The following JAK1 variants were observed in gnomAD, a reference collection of about 807,000 sequenced individuals.
The protein encoded by JAK1 is Janus kinase 1.
In JAK1, 16 loss-of-function variants were observed where a neutral mutation model predicts 136.6. The ratio of observed to expected loss-of-function variants is 0.12; its 90% confidence interval spans 0.08 to 0.18. The LOEUF (loss-of-function observed/expected upper bound fraction) is 0.18, where lower values mean the gene tolerates loss of function less well. JAK1 is among the 10% of genes least tolerant of loss of function. JAK1 has a pLI of 1.00. For missense variants in JAK1, 859 were observed against 1,450.1 expected (o/e 0.59, Z 6.62); for synonymous variants, 492 against 519.5 (o/e 0.95, Z 0.72).
intron 2 of JAK1, among the ~76,000 whole-genome samples, chr1:65,023,892 C>T (rs1470430773): frequency 2.0e-5 from 3 of 150,046 alleles, no homozygotes; most frequent in African/African-American, 7.4e-5. Flanking sequence ...GTCTTTCACT[C>T]ACCATGGTTC....
At chr1:64,989,218 C>T (rs1165617645) in intron 2 of JAK1, among the ~76,000 whole-genome samples, 8 of 149,178 alleles carry the variant, frequency 5.4e-5, no homozygotes, top group Non-Finnish European at 1.0e-4. Flanking sequence ...CCAGCTACTC[C>T]GGAGGCTGAG....
Position 64,911,825 on chromosome 1 carries a change from T to C in JAK1, c.-77-25484A>G, listed in dbSNP as rs546485467. On this transcript the variant is annotated intron_variant, in intron 1 of 24. Transcript: ENST00000342505. ...TTATTTTACATTTCTAACAGGACTT[T>C]GTTCCTGATTTCACAATTTTCTGTT... Among the ~76,000 whole-genome samples, 3 of 152,388 alleles carry C rather than the reference T, an allele frequency of 2.0e-5. No individual in the cohort carries two copies. In the East Asian group the frequency reaches 5.8e-4, roughly 29 times the overall value.
intron 1 of JAK1, among the ~76,000 whole-genome samples, chr1:64,940,140 G>A (rs796556476): frequency 1.4e-4 from 21 of 152,104 alleles, no homozygotes; most frequent in African/African-American, 4.8e-4. Flanking sequence ...AGAGAAAACC[G>A]GTAAGTTGAC....
intron 1 of JAK1, among the ~76,000 whole-genome samples, chr1:64,965,576 G>A (rs148431255): frequency 2.0e-5 from 3 of 152,282 alleles, no homozygotes; most frequent in African/African-American, 7.2e-5. Context: ...GACGATGCGC[G>A]GATGGAGTTG....
chr1:65,041,629 C>T (rs1275140595), intron 2 of JAK1, among the ~76,000 whole-genome samples: 1 of 152,152 alleles, frequency 6.6e-6, no homozygotes, highest in South Asian at 2.1e-4. Flanking sequence ...CCATGGGGCG[C>T]TAGTTTCCAG....
intron 8 of JAK1, among the ~76,000 whole-genome samples, chr1:64,861,089 C>G (rs1656305323): frequency 6.6e-6 from 1 of 151,914 alleles, no homozygotes; most frequent in African/African-American, 2.4e-5. Flanking sequence ...GTGGCAGAGG[C>G]ACAAAAGTGG....
intron 1 of JAK1, among the ~76,000 whole-genome samples, chr1:65,066,372 C>CT (rs1182135087): frequency 7.2e-5 from 11 of 152,180 alleles, no homozygotes; most frequent in African/African-American, 2.7e-4. Context: ...GAAACAGACT[C>CT]TCATGCCTAT....
At chr1:64,937,274 C>T (rs548941130) in intron 1 of JAK1, among the ~76,000 whole-genome samples, 95 of 152,290 alleles carry the variant, frequency 6.2e-4, no homozygotes, top group African/African-American at 2.2e-3. Context: ...TAAGCTCCAA[C>T]CCCCAGAGAG....
chr1:64,865,026 G>A (rs532404851), intron 7 of JAK1, 54 bp from the exon 8 acceptor site: 212 of 1,445,254 alleles, frequency 1.5e-4, no homozygotes, highest in Middle Eastern at 9.8e-4. Flanking sequence ...ATTTTCTATT[G>A]GTAAAAGGTC....
intron 2 of JAK1, among the ~76,000 whole-genome samples, chr1:65,040,647 C>T (rs1275247320): frequency 2.0e-5 from 3 of 152,166 alleles, no homozygotes; most frequent in African/African-American, 2.4e-5. Context: ...CATACACACA[C>T]ATGCCCAGGT....
At chr1:64,922,431 G>A (rs1645510781) in intron 1 of JAK1, among the ~76,000 whole-genome samples, 1 of 152,080 alleles carries the variant, frequency 6.6e-6, no homozygotes, top group Admixed American at 6.6e-5. Context: ...AATTTCCAAA[G>A]CCAGTCAAAC....
chr1:64,847,416 G>C (rs1655307032), intron 13 of JAK1, 116 bp downstream of exon 13: 6 of 1,270,904 alleles, frequency 4.7e-6, no homozygotes, highest in Admixed American at 4.2e-5. Flanking sequence ...TGAGTAAAAG[G>C]CAAGTTTGAA....
chr1:64,843,960 A>G, intron 17 of JAK1, 104 bp downstream of exon 17: 1 of 1,315,332 alleles, frequency 7.6e-7, no homozygotes. Context: ...ATTCAAACCC[A>G]TGCCCATCTC....
At chr1:65,061,694 A>G (rs1647798446) in intron 1 of JAK1, among the ~76,000 whole-genome samples, 1 of 152,200 alleles carries the variant, frequency 6.6e-6, no homozygotes, top group East Asian at 1.9e-4. Context: ...AGATGTTATA[A>G]ACTGTCAGCA....
chr1:64,997,871 C>A (rs914632126), intron 2 of JAK1, among the ~76,000 whole-genome samples: 7 of 152,190 alleles, frequency 4.6e-5, no homozygotes, highest in South Asian at 4.1e-4. Flanking sequence ...TTGTTTCCTG[C>A]TGATGGAAGC....
chr1:64,893,176 A>C (rs1644965110), intron 1 of JAK1, among the ~76,000 whole-genome samples: 1 of 151,932 alleles, frequency 6.6e-6, no homozygotes, highest in South Asian at 2.1e-4. Flanking sequence ...GAAGAAGGAA[A>C]ATCACAAGCA....
intron 2 of JAK1, among the ~76,000 whole-genome samples, chr1:65,021,832 C>G (rs1646940193): frequency 6.6e-6 from 1 of 151,940 alleles, no homozygotes; most frequent in Non-Finnish European, 1.5e-5. Flanking sequence ...ACACTAAAAC[C>G]AAGAGAATTT....
intron 3 of JAK1, 81 bp downstream of exon 3, chr1:64,883,196 C>T: frequency 8.3e-7 from 1 of 1,203,242 alleles, no homozygotes; most frequent in South Asian, 1.6e-5. Context: ...CCCAGCAGCG[C>T]TACAAGGGGC....
intron 21 of JAK1, 86 bp downstream of exon 21, chr1:64,838,379 A>C: frequency 7.3e-7 from 1 of 1,362,396 alleles, no homozygotes; most frequent in African/African-American, 1.5e-5. Context: ...TCATAAACTT[A>C]CCCACTTAGA....
Sources: gnomAD v4.1 joint callset for allele counts (sites outside exome capture counted in the v4.1 genomes callset) on GRCh38, gnomAD v4.1.1 for gene constraint, MANE v1.5 for transcripts, NCBI Gene and HGNC (gene_info 2026-07-23, HGNC 2026-07-21) for gene names.